The following PAH variants were observed in gnomAD, a reference collection of about 807,000 sequenced individuals.
PAH encodes phenylalanine hydroxylase, also known as phenylalanine-4-hydroxylase.
A neutral mutation model predicts 62.0 loss-of-function variants in PAH; 64 were observed. That is an observed-to-expected ratio of 1.03 (90% CI 0.84 to 1.27). The LOEUF (loss-of-function observed/expected upper bound fraction) is 1.27, where lower values mean the gene tolerates loss of function less well. PAH is among the 50% of genes most tolerant of loss of function. The pLI is 0.00. For missense variants in PAH, 579 were observed against 542.8 expected (o/e 1.07, Z -0.66); for synonymous variants, 195 against 196.2 (o/e 0.99, Z 0.05).
chr12:102,917,091 T>C lies in PAH; in HGVS notation c.40A>G (p.Lys14Glu), dbSNP rs1878412813. 6.2e-7 allele frequency: 1 copy of C among 1,614,182 alleles called. No homozygotes were observed. Among genetic ancestry groups the C allele is most frequent in the South Asian group, 1.1e-5 (1 of 91,074 alleles). Residue 14 changes from lysine to glutamate, a missense_variant, in exon 1 of 13, where the codon AAA (lysine) becomes GAA (glutamate). Transcript: ENST00000553106. ...AVLENPGLGR[K>E]LSDFGQETSY... ...CTCACCTGTCCAAAGTCAGAGAGTT[T>C]CCTGCCCAAGCCTGGGTTTTCCAGG...
chr12:102,926,242 T>C (rs1232775444), intron 1 of PAH, among the ~76,000 whole-genome samples: 2 of 152,044 alleles, frequency 1.3e-5, no homozygotes, highest in South Asian at 2.1e-4. Context: ...AGTCGGGTGC[T>C]GAGGGAAGAT....
intron 2 of PAH, among the ~76,000 whole-genome samples, chr12:102,898,923 G>C (rs1171963125): frequency 6.6e-6 from 1 of 152,166 alleles, no homozygotes; most frequent in Non-Finnish European, 1.5e-5. Context: ...TCACGGTGCA[G>C]CCATTATTTA....
Position 102,957,546 on chromosome 12 carries a change from A to C in PAH, c.-96+649T>G, listed in dbSNP as rs1406604126. ...TAGGGAGTGGGTGGGAGGAAGAGGT[A>C]AGAGGAGGGGGGGGAGTGGGGGCTG... On this transcript the variant is annotated intron_variant, in intron 1 of 4. Coordinates refer to the PAH transcript ENST00000551337. The surrounding 1 kb of genome is among the most constrained non-coding windows in gnomAD (Gnocchi z 4.1). 7.6e-6 allele frequency: 1 copy of C among 132,158 alleles called. No homozygotes were observed. Among genetic ancestry groups the C allele is most frequent in the African/African-American group, 2.8e-5 (1 of 35,870 alleles). The allele number at this position is 132,158 out of a possible 1,614,324, so 8.2% of individuals were successfully genotyped here.
Position 102,943,701 on chromosome 12 carries a change from G to A in PAH, c.-96+6888C>T, listed in dbSNP as rs1031966183. ...GGTAGACTGGATAAGGAAAATGTACGACATATACACCATGGAATATTATAT... is the reference window on the plus strand; with the variant it reads ...GGTAGACTGGATAAGGAAAATGTACAACATATACACCATGGAATATTATAT... On this transcript the variant is annotated intron_variant, in intron 1 of 3. Transcript: ENST00000546844. 6.6e-5 allele frequency among the ~76,000 whole-genome samples: 10 copies of A among 152,128 alleles called. No individual in the cohort carries two copies. In the East Asian group the frequency reaches 1.9e-3, roughly 29 times the overall value.
intron 1 of PAH, among the ~76,000 whole-genome samples, chr12:102,949,559 T>G (rs113316957): frequency 0.015 from 2,305 of 152,318 alleles, 74 homozygotes; most frequent in African/African-American, 0.052. Context: ...TTCTGGGATC[T>G]GTCTCTTTAA....
intron 1 of PAH, among the ~76,000 whole-genome samples, chr12:102,937,651 T>C (rs1202394132): frequency 6.6e-6 from 1 of 152,192 alleles, no homozygotes; most frequent in Middle Eastern, 3.2e-3. Flanking sequence ...TTGTAGTTAT[T>C]ATTTTTTATT....
At chr12:102,867,688 T>A (rs541625291) in intron 4 of PAH, among the ~76,000 whole-genome samples, 44 of 152,154 alleles carry the variant, frequency 2.9e-4, no homozygotes, top group Non-Finnish European at 5.9e-4. Context: ...CAAAAGCTTA[T>A]GTCACAGAGT....
At chr12:102,900,932 T>C (rs2136710422) in intron 2 of PAH, among the ~76,000 whole-genome samples, 1 of 152,240 alleles carries the variant, frequency 6.6e-6, no homozygotes, top group African/African-American at 2.4e-5. Context: ...TCAAAAACAA[T>C]TTCACGATTT....
intron 4 of PAH, among the ~76,000 whole-genome samples, chr12:102,874,908 C>T (rs2647897): frequency 0.37 from 56,390 of 152,020 alleles, 11,227 homozygotes; most frequent in Non-Finnish European, 0.44. Context: ...TGCCAAGGGC[C>T]GGGTTCAGGG....
At chr12:102,913,189 T>G (rs1878268921) in intron 1 of PAH, among the ~76,000 whole-genome samples, 1 of 152,204 alleles carries the variant, frequency 6.6e-6, no homozygotes, top group Non-Finnish European at 1.5e-5. Context: ...ATTGAGCAAC[T>G]ACTAGGTTCC....
At chr12:102,958,225 C>G (rs1471683380) in exon 1 of PAH, 1 of 1,459,658 alleles carries the variant, frequency 6.9e-7, no homozygotes. Flanking sequence ...GATTCCGCGA[C>G]TCCTTGGCCG....
intron 3 of PAH, among the ~76,000 whole-genome samples, chr12:102,883,463 T>C (rs565153231): frequency 6.6e-6 from 1 of 152,314 alleles, no homozygotes; most frequent in African/African-American, 2.4e-5. Context: ...AAAATTCTTA[T>C]CGGGCCACCT....
intron 11 of PAH, among the ~76,000 whole-genome samples, chr12:102,842,236 G>A (rs1874623800): frequency 3.9e-5 from 6 of 152,104 alleles, no homozygotes; most frequent in Admixed American, 1.3e-4. Flanking sequence ...CAATGCCTGG[G>A]TCCAAACCTT....
chr12:102,918,570 G>GTT (rs71097955), upstream of PAH, among the ~76,000 whole-genome samples: 14 of 57,528 alleles, frequency 2.4e-4, no homozygotes, highest in Non-Finnish European at 2.6e-4. Context: ...GTTTTTTTTT[G>GTT]TTTTTTTTTT....
At chr12:102,885,202 G>A (rs902271296) in intron 3 of PAH, among the ~76,000 whole-genome samples, 8 of 152,156 alleles carry the variant, frequency 5.3e-5, no homozygotes, top group Non-Finnish European at 1.2e-4. Context: ...AGCATCCCTG[G>A]ATTTAGGGAT....
chr12:102,877,332 A>C, intron 4 of PAH, 130 bp downstream of exon 4: 1 of 793,308 alleles, frequency 1.3e-6, no homozygotes. Flanking sequence ...CCCTCGTGTA[A>C]ATAGGAACAC....
chr12:102,861,156 A>G (rs1040726130), intron 5 of PAH, among the ~76,000 whole-genome samples: 6 of 152,216 alleles, frequency 3.9e-5, no homozygotes, highest in African/African-American at 1.4e-4. Flanking sequence ...CAACCCCATC[A>G]AAAAATGGGC....
intron 5 of PAH, among the ~76,000 whole-genome samples, chr12:102,857,826 A>G (rs974269666): frequency 3.9e-5 from 6 of 152,204 alleles, no homozygotes; most frequent in Non-Finnish European, 7.3e-5. Context: ...TGAAGGAAGC[A>G]CTAAACATGG....
intron 2 of PAH, 35 bp downstream of exon 2, chr12:102,912,756 A>T (rs755507491): frequency 7.2e-7 from 1 of 1,387,344 alleles, no homozygotes; most frequent in Non-Finnish European, 1.0e-6. Context: ...GTTTGCTACG[A>T]CATTATCCAA....
Sources: allele counts gnomAD v4.1 joint callset (sites outside exome capture counted in the v4.1 genomes callset), GRCh38; gene constraint gnomAD v4.1.1; non-coding constraint Gnocchi (gnomAD v3.1); transcripts MANE v1.5; gene names NCBI Gene and HGNC (gene_info 2026-07-23, HGNC 2026-07-21).